Variants in PCDH15 observed in about 807,000 individuals in gnomAD.
The protein encoded by PCDH15 is protocadherin-15.
Under a neutral mutation model 178.5 loss-of-function variants are expected in PCDH15, and 129 were observed. The ratio of observed to expected loss-of-function variants is 0.72; its 90% confidence interval spans 0.63 to 0.84. The LOEUF (loss-of-function observed/expected upper bound fraction) is 0.84. PCDH15 is among the 40% of genes least tolerant of loss of function. PCDH15 has a pLI of 0.00. For synonymous variants in PCDH15, 800 were observed against 732.0 expected, an observed-to-expected ratio of 1.09 and a Z score of -1.50; for missense variants, 2,230 against 2,099.9, an observed-to-expected ratio of 1.06 and a Z score of -1.21.
intron 2 of PCDH15, among the ~76,000 whole-genome samples, chr10:55,582,606 A>G (rs1402060001): frequency 1.2e-5 from 1 of 86,626 alleles, no homozygotes; most frequent in Non-Finnish European, 2.1e-5. Flanking sequence ...GTATATATAT[A>G]TATATATATA....
Position 55,256,735 on chromosome 10 carries a change from A to G in PCDH15, c.-156+62864T>C, listed in dbSNP as rs536767449. 2.0e-5 allele frequency among the ~76,000 whole-genome samples: 3 copies of G among 152,324 alleles called. No homozygotes were observed. In the East Asian group the frequency reaches 5.8e-4, roughly 29 times the overall value. On this transcript the variant is annotated intron_variant, in intron 1 of 5. Transcript: ENST00000458638. Reference sequence around the variant, plus strand: ...TAAACAAAGCTGCTGGGAAGCTCGAACTGGGTGGAGCCCACCGCAGCTCAA... The same window carrying G: ...TAAACAAAGCTGCTGGGAAGCTCGAGCTGGGTGGAGCCCACCGCAGCTCAA...
intron 1 of PCDH15, among the ~76,000 whole-genome samples, chr10:54,688,031 A>C (rs1311804889): frequency 6.6e-6 from 1 of 152,148 alleles, no homozygotes; most frequent in African/African-American, 2.4e-5. Flanking sequence ...CACGTTAAGC[A>C]TTCTAACCAC....
chr10:54,631,835 C>A (rs2093708695), intron 2 of PCDH15, among the ~76,000 whole-genome samples: 1 of 152,030 alleles, frequency 6.6e-6, no homozygotes. Flanking sequence ...TCAGGAGGAA[C>A]CACCATACAC....
At chr10:54,122,171 G>C (rs1390317043) in intron 15 of PCDH15, among the ~76,000 whole-genome samples, 2 of 151,746 alleles carry the variant, frequency 1.3e-5, no homozygotes, top group Admixed American at 1.3e-4. Flanking sequence ...GATCAGGTAG[G>C]GTTAATTCCT....
At chr10:54,414,464 AT>A (rs1170586624) in intron 3 of PCDH15, among the ~76,000 whole-genome samples, 2 of 152,128 alleles carry the variant, frequency 1.3e-5, no homozygotes, top group Admixed American at 1.3e-4. Flanking sequence ...CAAACATAAT[AT>A]TGGGCTACAG....
chr10:54,594,506 T>G (rs540044850), intron 2 of PCDH15, among the ~76,000 whole-genome samples: 150 of 152,206 alleles, frequency 9.9e-4, no homozygotes, highest in South Asian at 2.5e-3. Flanking sequence ...GCCTCATTGC[T>G]CCTGCACTGG....
chr10:54,991,981 ATC>A (rs1839511953), intron 2 of PCDH15, among the ~76,000 whole-genome samples: 1 of 152,090 alleles, frequency 6.6e-6, no homozygotes, highest in Non-Finnish European at 1.5e-5. Context: ...TTTATATAAT[ATC>A]TTTCAGTTTG....
At chr10:55,369,453 A>G (rs1845445341) in intron 2 of PCDH15, among the ~76,000 whole-genome samples, 1 of 152,072 alleles carries the variant, frequency 6.6e-6, no homozygotes, top group African/African-American at 2.4e-5. Flanking sequence ...ACAAAAAAGT[A>G]CCCTTGGTCA....
intron 2 of PCDH15, among the ~76,000 whole-genome samples, chr10:55,414,770 GGTGTGTGTGTGTGT>G (rs71014486): frequency 3.4e-5 from 5 of 146,868 alleles, no homozygotes; most frequent in African/African-American, 1.0e-4. Context: ...TCTAACAAGG[GGTGTGTGTGTGTGT>G]GTGTGTGTGT....
intron 18 of PCDH15, among the ~76,000 whole-genome samples, chr10:54,028,068 C>A (rs1286298364): frequency 6.6e-6 from 1 of 151,302 alleles, no homozygotes; most frequent in African/African-American, 2.4e-5. Context: ...TATCCAGAAT[C>A]TACAATGAAC....
intron 3 of PCDH15, among the ~76,000 whole-genome samples, chr10:54,845,858 T>C (rs1349284930): frequency 6.6e-6 from 1 of 152,106 alleles, no homozygotes; most frequent in Non-Finnish European, 1.5e-5. Context: ...ACTGAAATAA[T>C]TAACTTCCTA....
At chr10:54,130,687 A>T (rs541906098) in intron 15 of PCDH15, among the ~76,000 whole-genome samples, 1 of 152,334 alleles carries the variant, frequency 6.6e-6, no homozygotes, top group Non-Finnish European at 1.5e-5. Flanking sequence ...ATCAAAACAG[A>T]TTAGTTTGAA....
At chr10:54,787,405 A>C (rs1950987389) in intron 1 of PCDH15, among the ~76,000 whole-genome samples, 1 of 151,982 alleles carries the variant, frequency 6.6e-6, no homozygotes, top group Non-Finnish European at 1.5e-5. Flanking sequence ...TTTTTAGAAA[A>C]TATGTCTAAG....
At chr10:54,812,700 G>A (rs1319156010) in intron 3 of PCDH15, among the ~76,000 whole-genome samples, 4 of 151,046 alleles carry the variant, frequency 2.6e-5, no homozygotes, top group Non-Finnish European at 1.5e-5. Flanking sequence ...CTCATGATCC[G>A]CCTGCCTCGG....
chr10:54,834,351 G>C (rs1953276764), intron 3 of PCDH15, among the ~76,000 whole-genome samples: 11 of 151,802 alleles, frequency 7.2e-5, no homozygotes, highest in Admixed American at 7.2e-4. Flanking sequence ...GCTAATTTTT[G>C]TATTTTTAGT....
chr10:54,633,458 T>TCA (rs2093757155), intron 2 of PCDH15, among the ~76,000 whole-genome samples: 1 of 151,912 alleles, frequency 6.6e-6, no homozygotes, highest in African/African-American at 2.4e-5. Flanking sequence ...AACACTAGTG[T>TCA]CAAAGATCAA....
At chr10:54,881,864 A>G (rs1954268534) in intron 3 of PCDH15, among the ~76,000 whole-genome samples, 1 of 152,124 alleles carries the variant, frequency 6.6e-6, no homozygotes, top group South Asian at 2.1e-4. Flanking sequence ...TGTTTTCTCA[A>G]AAGTGTTTTG....
chr10:55,297,486 T>G (rs1387667717), intron 1 of PCDH15, among the ~76,000 whole-genome samples: 3 of 152,172 alleles, frequency 2.0e-5, no homozygotes, highest in Non-Finnish European at 4.4e-5. Flanking sequence ...ATTTGAAAAC[T>G]GCAGAGGTAG....
intron 3 of PCDH15, among the ~76,000 whole-genome samples, chr10:54,455,209 C>T (rs996559965): frequency 6.6e-6 from 1 of 152,030 alleles, no homozygotes. Context: ...TCGGGTATTT[C>T]TTCATAGCAG....
Sources: gnomAD v4.1 joint callset for allele counts (sites outside exome capture counted in the v4.1 genomes callset) on GRCh38, gnomAD v4.1.1 for gene constraint, MANE v1.5 for transcripts, NCBI Gene and HGNC (gene_info 2026-07-23, HGNC 2026-07-21) for gene names.